The following ACLY variants were observed in gnomAD, a reference collection of about 807,000 sequenced individuals.
The protein encoded by ACLY is ATP citrate lyase.
ACLY carries 41 observed loss-of-function variants against 133.0 expected under a neutral mutation model. The ratio of observed to expected loss-of-function variants is 0.31; its 90% confidence interval spans 0.24 to 0.40. ACLY has a LOEUF of 0.40. ACLY is among the 10% of genes least tolerant of loss of function. The pLI is 1.00. For synonymous variants in ACLY, 495 were observed against 549.3 expected, an observed-to-expected ratio of 0.90 and a Z score of 1.38; for missense variants, 1,046 against 1,453.8, an observed-to-expected ratio of 0.72 and a Z score of 4.56.
chr17:41,909,077 G>C lies in ACLY; in HGVS notation c.537-9C>G, dbSNP rs201899524. The C allele has an allele frequency of 6.7e-5, 108 of 1,607,188 alleles. No homozygotes were observed. In the East Asian group the frequency reaches 2.3e-3, roughly 35 times the overall value. On this transcript the variant is annotated splice_polypyrimidine_tract_variant and intron_variant, in intron 5 of 28. Transcript: ENST00000352035. ...TAAAACTGGCCAGAATTCTAGAGGT[G>C]GGAGGGAGAGAGGGACAGTTCATCC...
chr17:41,912,917 CAG>C (rs1391862025), intron 2 of ACLY, among the ~76,000 whole-genome samples: 3 of 152,304 alleles, frequency 2.0e-5, no homozygotes, highest in African/African-American at 7.2e-5. Flanking sequence ...AACAGAGAGA[CAG>C]AGCCTTGAGG....
chr17:41,883,373 A>G, intron 19 of ACLY, 141 bp from the exon 20 acceptor site: 1 of 652,016 alleles, frequency 1.5e-6, no homozygotes, highest in Non-Finnish European at 2.6e-6. Flanking sequence ...AAGATTTCTA[A>G]AGGAACAAAC....
At chr17:41,919,203 G>A (rs956298612), upstream of ACLY, among the ~76,000 whole-genome samples, 25 of 152,178 alleles carry the variant, frequency 1.6e-4, no homozygotes, top group Non-Finnish European at 3.5e-4. Flanking sequence ...GCGGGGCCCC[G>A]GGTGGGGAGA....
chr17:41,920,707 G>A (rs2050168797), upstream of ACLY, among the ~76,000 whole-genome samples: 1 of 151,432 alleles, frequency 6.6e-6, no homozygotes, highest in Non-Finnish European at 1.5e-5. Context: ...AGAAGTTCAA[G>A]TACAGCCTGG....
chr17:41,887,659 G>A lies in ACLY; in HGVS notation c.1815C>T (p.Leu605=). The A allele has an allele frequency of 6.2e-7, 1 of 1,613,836 alleles. No homozygotes were observed. The highest frequency in any genetic ancestry group is 8.5e-7 in the Non-Finnish European group (1 of 1,179,822). The change falls in exon 17 of 29, where the codon CTC becomes CTT. Residue 605 remains leucine (L), a synonymous_variant. Transcript: ENST00000352035. ...CCGCCTTCTTGATCAGCTTTCTCGT[G>A]AGGGCCTCAGGGATGCCTTCAGCTA... The part of the protein sequence containing the change: ...AIIAEGIPEA[L]TRKLIKKADQ...
intron 5 of ACLY, 131 bp from the exon 6 acceptor site, chr17:41,909,199 C>A: frequency 1.3e-6 from 1 of 743,876 alleles, no homozygotes; most frequent in East Asian, 2.7e-5. Flanking sequence ...CTGGCCCTTC[C>A]ATCTCCTCTG....
At chr17:41,872,350 G>T (rs556581204) in intron 23 of ACLY, among the ~76,000 whole-genome samples, 168 bp from the exon 24 acceptor site, 2 of 152,176 alleles carry the variant, frequency 1.3e-5, no homozygotes, top group Non-Finnish European at 2.9e-5. Flanking sequence ...TCTTTAGACA[G>T]AGTCTCATTC....
At chr17:41,876,011 G>C (rs1483683521) in intron 22 of ACLY, among the ~76,000 whole-genome samples, 5 of 151,456 alleles carry the variant, frequency 3.3e-5, no homozygotes, top group African/African-American at 4.9e-5. Context: ...GCCTCTTCCC[G>C]GCCGCCATCC....
At chr17:41,905,380 G>A (rs2049683100) in intron 9 of ACLY, 142 bp downstream of exon 9, 7 of 1,139,922 alleles carry the variant, frequency 6.1e-6, no homozygotes, top group Non-Finnish European at 8.9e-6. Context: ...GAGAAACTGA[G>A]AGCCAAAGTT....
chr17:41,908,502 G>T (rs1242678342), intron 6 of ACLY, among the ~76,000 whole-genome samples: 1 of 152,138 alleles, frequency 6.6e-6, no homozygotes, highest in Non-Finnish European at 1.5e-5. Flanking sequence ...GGTGGCTCAC[G>T]CCTGTAATCT....
intron 20 of ACLY, among the ~76,000 whole-genome samples, chr17:41,879,665 AAAAAAAAAAAAAAAAAAAAAAAG>A (rs2048859133): frequency 2.1e-5 from 2 of 93,760 alleles, no homozygotes; most frequent in Non-Finnish European, 5.4e-5. Context: ...AAAAAAAAAA[AAAAAAAAAAAAAAAAAAAAAAAG>A]AAGTGCTAAA....
In ACLY at chr17:41,912,514, A is replaced by T; in HGVS notation, c.188T>A (p.Ile63Asn). 6.2e-7 allele frequency: 1 copy of T among 1,614,192 alleles called. No individual in the cohort carries two copies. The highest frequency in any genetic ancestry group is 8.5e-7 in the Non-Finnish European group (1 of 1,180,024). ...QNLVVKPDQL[I>N]KRRGKLGLVG... ...GAGACCAAGTTTTCCACGACGTTTG[A>T]TCAGCTGGTCTGGCTTGACTACCAA... The change falls in exon 3 of 29, where the codon ATC becomes AAC. Residue 63 changes from isoleucine to asparagine, a missense_variant. By Grantham distance (149) the Ile-to-Asn change is moderately radical. Transcript: ENST00000352035.
chr17:41,883,244 T>G lies in ACLY; in HGVS notation c.2155-12A>C, dbSNP rs2048966746. ...TCAGTGCCCCCAATCTGCCAAGGAA[T>G]GGGGAATGAGAAAAAGCCAAGTTAG... is the stretch of plus-strand genomic sequence containing the variant. On this transcript the variant is annotated splice_polypyrimidine_tract_variant and intron_variant, in intron 19 of 28. Transcript: ENST00000352035. 6.2e-7 allele frequency: 1 copy of G among 1,612,098 alleles called. No homozygotes were observed. Among genetic ancestry groups the G allele is most frequent in the African/African-American group, 1.3e-5 (1 of 74,844 alleles).
At chr17:41,917,725 T>C (rs145157911) in intron 1 of ACLY, among the ~76,000 whole-genome samples, 99 of 152,234 alleles carry the variant, frequency 6.5e-4, no homozygotes, top group African/African-American at 2.3e-3. Flanking sequence ...ATTCTGTGAG[T>C]GCCCCTTACT....
chr17:41,919,976 C>T (rs558723159), upstream of ACLY, among the ~76,000 whole-genome samples: 269 of 152,292 alleles, frequency 1.8e-3, no homozygotes, highest in Non-Finnish European at 3.4e-3. Context: ...GCTCCCTAAG[C>T]CTAACAGCTG....
chr17:41,925,957 G>A (rs2144463217), intron 1 of ACLY, among the ~76,000 whole-genome samples: 1 of 151,936 alleles, frequency 6.6e-6, no homozygotes, highest in African/African-American at 2.4e-5. Flanking sequence ...TGATTCTCCT[G>A]CCTCGGCCTC....
At chr17:41,877,579 G>C (rs1353127938) in intron 22 of ACLY, among the ~76,000 whole-genome samples, 1 of 151,846 alleles carries the variant, frequency 6.6e-6, no homozygotes, top group Non-Finnish European at 1.5e-5. Context: ...ACCTCCAAAA[G>C]TGTCAACTTG....
intron 16 of ACLY, 43 bp downstream of exon 16, chr17:41,892,236 T>G (rs782709106): frequency 8.5e-6 from 4 of 471,292 alleles, no homozygotes; most frequent in Non-Finnish European, 1.0e-5. Flanking sequence ...CTGCGCATAG[T>G]TCATGGTCCC....
At chr17:41,896,547 C>CA (rs1555630399) in intron 14 of ACLY, 73 bp downstream of exon 14, 1 of 1,387,596 alleles carries the variant, frequency 7.2e-7, no homozygotes, top group Non-Finnish European at 9.8e-7. Context: ...GAGGGGGAAA[C>CA]AGAGCACACA....
Sources: gnomAD v4.1 joint callset for allele counts (sites outside exome capture counted in the v4.1 genomes callset) on GRCh38, gnomAD v4.1.1 for gene constraint, MANE v1.5 for transcripts, NCBI Gene and HGNC (gene_info 2026-07-23, HGNC 2026-07-21) for gene names.